Variants in QKI observed in about 807,000 individuals in gnomAD.
QKI encodes the protein QKI, KH domain containing RNA binding.
QKI carries 10 observed loss-of-function variants against 39.0 expected under a neutral mutation model. That is an observed-to-expected ratio of 0.26 (90% CI 0.16 to 0.43). The LOEUF is 0.43. QKI is among the 20% of genes least tolerant of loss of function. The probability of loss-of-function intolerance (pLI) is 1.00; values close to 1 mark genes in which losing one functional copy is unlikely to be tolerated. For synonymous variants in QKI, 204 were observed against 155.4 expected (o/e 1.31, Z -2.33); for missense variants, 218 against 428.0 (o/e 0.51, Z 4.33).
At chr6:163,564,018 AGG>A in intron 6 of QKI, 1 of 1,200,364 alleles carries the variant, frequency 8.3e-7, no homozygotes, top group South Asian at 3.1e-5. Flanking sequence ...TCTGAGTTTT[AGG>A]TCCCACCCCA....
chr6:163,445,734 C>A (rs1030104760), intron 1 of QKI, among the ~76,000 whole-genome samples: 1 of 151,866 alleles, frequency 6.6e-6, no homozygotes, highest in Non-Finnish European at 1.5e-5. Flanking sequence ...CCTACCTCAG[C>A]CTCTTGAGTA....
chr6:163,495,412 T>G (rs1778345538), intron 3 of QKI, among the ~76,000 whole-genome samples: 1 of 152,166 alleles, frequency 6.6e-6, no homozygotes, highest in Admixed American at 6.5e-5. Flanking sequence ...TGTGTGTCTG[T>G]ATGTATGTAC....
intron 2 of QKI, 32 bp from the exon 3 acceptor site, chr6:163,478,748 A>AAT (rs762640762): frequency 7.1e-7 from 1 of 1,409,278 alleles, no homozygotes; most frequent in African/African-American, 1.4e-5. Context: ...GCAAGTGAAT[A>AAT]ATGTATAGTG....
intron 4 of QKI, among the ~76,000 whole-genome samples, chr6:163,538,102 C>T (rs1781310984): frequency 6.6e-6 from 1 of 152,194 alleles, no homozygotes; most frequent in South Asian, 2.1e-4. Context: ...CTTCAGTCTT[C>T]TCACCTCTGG....
At chr6:163,419,258 T>A (rs906597117) in intron 1 of QKI, among the ~76,000 whole-genome samples, 1 of 152,154 alleles carries the variant, frequency 6.6e-6, no homozygotes, top group African/African-American at 2.4e-5. Context: ...TATTTTCACT[T>A]CTTCTGCCTC....
At chr6:163,475,706 A>T (rs1311750002) in intron 2 of QKI, among the ~76,000 whole-genome samples, 1 of 152,226 alleles carries the variant, frequency 6.6e-6, no homozygotes, top group Non-Finnish European at 1.5e-5. Context: ...AAGAAAAGAA[A>T]ATTATAACAC....
rs535643255 is a variant in QKI at position 163,572,722 on chromosome 6, G to C, written c.*2012G>C. The stretch of plus-strand genomic sequence containing the variant: ...TCGTCCCCTCTTCCACACCTTCCCA[G>C]CATCACAGTCAGAGGTCAGCAGGAA... On this transcript the variant is annotated 3_prime_UTR_variant, in exon 8 of 8. Coordinates refer to ENST00000361752, the MANE Select transcript of QKI (RefSeq NM_006775.3). 2 of 66,872 alleles carry C rather than the reference G, an allele frequency of 3.0e-5. No homozygotes were observed. Among genetic ancestry groups the C allele is most frequent in the East Asian group, 4.1e-4 (1 of 2,450 alleles). 4.1% of individuals were successfully genotyped at this position (66,872 alleles called of 1,614,324 possible). A position where few individuals can be genotyped will look rare whatever the true frequency, so the allele number is the denominator to read the frequency against.
At chr6:163,530,123 A>G (rs1780761479) in intron 3 of QKI, among the ~76,000 whole-genome samples, 1 of 152,228 alleles carries the variant, frequency 6.6e-6, no homozygotes, top group African/African-American at 2.4e-5. Flanking sequence ...TGTAAAACAG[A>G]CATTATAGTA....
At chr6:163,530,503 A>G (rs1055728003) in intron 3 of QKI, among the ~76,000 whole-genome samples, 1 of 152,204 alleles carries the variant, frequency 6.6e-6, no homozygotes, top group African/African-American at 2.4e-5. Context: ...TGCTTAAGAA[A>G]CAGAATGAGA....
intron 3 of QKI, among the ~76,000 whole-genome samples, chr6:163,532,885 G>T (rs1780950439): frequency 6.6e-6 from 1 of 152,152 alleles, no homozygotes; most frequent in African/African-American, 2.4e-5. Flanking sequence ...GTGAGTGGGG[G>T]CAGTTATAGG....
At chr6:163,424,020 T>C (rs1226356289) in intron 1 of QKI, among the ~76,000 whole-genome samples, 6 of 152,204 alleles carry the variant, frequency 3.9e-5, no homozygotes, top group Admixed American at 3.9e-4. Context: ...GAAACGGTGC[T>C]GCACCAGATA....
chr6:163,441,951 CAACT>C (rs1257262920), intron 1 of QKI, among the ~76,000 whole-genome samples: 1 of 152,152 alleles, frequency 6.6e-6, no homozygotes, highest in African/African-American at 2.4e-5. Context: ...GCTTTTATAC[CAACT>C]GAGATGGGAA....
chr6:163,510,814 A>T (rs1265624425), intron 3 of QKI, among the ~76,000 whole-genome samples: 1 of 152,202 alleles, frequency 6.6e-6, no homozygotes, highest in African/African-American at 2.4e-5. Context: ...ATGAAAACTG[A>T]CTAAAGGCAG....
intron 3 of QKI, among the ~76,000 whole-genome samples, chr6:163,514,965 G>A (rs1779701249): frequency 6.6e-6 from 1 of 152,134 alleles, no homozygotes; most frequent in South Asian, 2.1e-4. Context: ...ACAAGCCACA[G>A]AGTGGGAGTG....
chr6:163,496,733 G>C (rs571583251), intron 3 of QKI, among the ~76,000 whole-genome samples: 9 of 152,028 alleles, frequency 5.9e-5, no homozygotes, highest in Non-Finnish European at 1.3e-4. Context: ...TAGGGCTTTG[G>C]TGTTGCTACT....
At chr6:163,530,691 G>T (rs767420958) in intron 3 of QKI, among the ~76,000 whole-genome samples, 6 of 152,134 alleles carry the variant, frequency 3.9e-5, no homozygotes, top group Non-Finnish European at 8.8e-5. Flanking sequence ...ATGGATGAAA[G>T]ATTTTCTGAG....
In QKI at chr6:163,419,029, G is replaced by A. The variant is rs566785173; in HGVS notation, c.142+3694G>A. Among the ~76,000 whole-genome samples, 428 of 152,188 alleles carry A rather than the reference G, an allele frequency of 2.8e-3. 2 individuals carry two copies. Among genetic ancestry groups the A allele is most frequent in the South Asian group, 0.016 (75 of 4,810 alleles). ...TTTATCGTGGATATCAGAAAAATTA[G>A]TGTGTGGCTCAGAAAAAGAGAGCAG... On this transcript the variant is annotated intron_variant, in intron 1 of 7. Coordinates refer to ENST00000361752, the MANE Select transcript of QKI (RefSeq NM_006775.3).
At chr6:163,558,503 G>T (rs769558526) in intron 4 of QKI, among the ~76,000 whole-genome samples, 14 of 150,964 alleles carry the variant, frequency 9.3e-5, no homozygotes, top group Non-Finnish European at 1.5e-4. Context: ...AAGTTCAAGC[G>T]ATTCTCTTTC....
At chr6:163,481,767 T>G (rs1030932497) in intron 3 of QKI, among the ~76,000 whole-genome samples, 3 of 152,192 alleles carry the variant, frequency 2.0e-5, no homozygotes, top group African/African-American at 7.2e-5. Context: ...GTTAAGATCA[T>G]GGAACCAGGG....
Sources: gnomAD v4.1 joint callset for allele counts (sites outside exome capture counted in the v4.1 genomes callset) on GRCh38, gnomAD v4.1.1 for gene constraint, MANE v1.5 for transcripts, NCBI Gene and HGNC (gene_info 2026-07-23, HGNC 2026-07-21) for gene names.